Variants in SCPEP1 observed in about 807,000 individuals in gnomAD.
SCPEP1 encodes retinoid-inducible serine carboxypeptidase.
In SCPEP1, 51 loss-of-function variants were observed where a neutral mutation model predicts 63.8. The observed-to-expected ratio is 0.80, with a 90% confidence interval of 0.64 to 1.01. The LOEUF is 1.01. SCPEP1 is among the 50% of genes least tolerant of loss of function. SCPEP1 has a pLI of 0.00. For synonymous variants in SCPEP1, 204 were observed against 207.8 expected, an observed-to-expected ratio of 0.98 and a Z score of 0.16; for missense variants, 499 against 554.9, an observed-to-expected ratio of 0.90 and a Z score of 1.01.
In SCPEP1 at chr17:56,981,200, C is replaced by G; in HGVS notation, c.195C>G (p.Phe65Leu). Residue 65 changes from phenylalanine to leucine, a missense_variant, in exon 2 of 13, where the codon TTC becomes TTG. Transcript: ENST00000262288. ...ATGCCACCAACTCCTGCAAGAACTT[C>G]TCAGAACTGCCCCTGGTCATGTGGC... is the stretch of plus-strand genomic sequence containing the variant. ...LYYATNSCKN[F>L]SELPLVMWLQ... 6.2e-7 allele frequency: 1 copy of G among 1,614,202 alleles called. No homozygotes were observed. Among genetic ancestry groups the G allele is most frequent in the Admixed American group, 1.7e-5 (1 of 60,022 alleles).
chr17:56,991,939 T>C (rs1911412415), intron 6 of SCPEP1, among the ~76,000 whole-genome samples: 1 of 152,200 alleles, frequency 6.6e-6, no homozygotes, highest in African/African-American at 2.4e-5. Context: ...CCATCCCTGA[T>C]TGAGAACCAT....
intron 2 of SCPEP1, among the ~76,000 whole-genome samples, chr17:56,982,276 G>A (rs1283303419): frequency 1.3e-5 from 2 of 152,146 alleles, no homozygotes; most frequent in African/African-American, 4.8e-5. Flanking sequence ...ACCTCCATAG[G>A]ATGCTACTGG....
intron 9 of SCPEP1, chr17:56,997,265 A>G (rs1225423291): frequency 2.5e-6 from 1 of 404,116 alleles, no homozygotes; most frequent in African/African-American, 2.0e-5. Context: ...AGGAGATCCC[A>G]CGTGTCTGCT....
chr17:56,986,583 T>C (rs1911227033), intron 3 of SCPEP1, among the ~76,000 whole-genome samples: 2 of 151,484 alleles, frequency 1.3e-5, no homozygotes, highest in African/African-American at 2.4e-5. Flanking sequence ...TCTCGCTCTT[T>C]CGCCCAGGCC....
At chr17:57,001,751 A>G (rs117620188) in intron 11 of SCPEP1, among the ~76,000 whole-genome samples, 1 of 152,354 alleles carries the variant, frequency 6.6e-6, no homozygotes, top group East Asian at 1.9e-4. Context: ...CCTAAAGAGC[A>G]GATGGCGGTG....
intron 12 of SCPEP1, among the ~76,000 whole-genome samples, chr17:57,002,463 C>T (rs917322456): frequency 7.2e-5 from 11 of 152,226 alleles, no homozygotes; most frequent in Non-Finnish European, 1.2e-4. Context: ...TGCCTGCAAT[C>T]CCAGCACTTT....
intron 2 of SCPEP1, 53 bp downstream of exon 2, chr17:56,981,283 G>A: frequency 1.9e-6 from 3 of 1,601,814 alleles, no homozygotes; most frequent in Non-Finnish European, 2.6e-6. Context: ...TCCTCTGTGT[G>A]GCTCTTTGCT....
intron 3 of SCPEP1, 99 bp from the exon 4 acceptor site, chr17:56,987,596 C>T: frequency 1.7e-6 from 2 of 1,186,124 alleles, no homozygotes; most frequent in African/African-American, 1.5e-5. Flanking sequence ...CTGGTATCCT[C>T]ACATGTGTGG....
rs755405661 is a variant in SCPEP1 at position 57,002,004 on chromosome 17, G to C, written c.1133-14G>C. ...CTGTTAATGCCAGGCCTTTCTCTTT[G>C]TCCTTCTCACCAGGTCAGGAGGCCT... On this transcript the variant is annotated splice_polypyrimidine_tract_variant and intron_variant, in intron 11 of 12. Coordinates refer to ENST00000262288, the MANE Select transcript of SCPEP1 (RefSeq NM_021626.3). 7.5e-6 allele frequency: 12 copies of C among 1,605,804 alleles called. No individual in the cohort carries two copies. In the African/African-American group the frequency reaches 1.3e-4, roughly 18 times the overall value.
At chr17:56,991,455 G>A (rs3760160) in intron 6 of SCPEP1, among the ~76,000 whole-genome samples, 121,624 of 152,166 alleles carry the variant, frequency 0.8, 49,253 homozygotes, top group Admixed American at 0.87. Flanking sequence ...TATCTGCCAC[G>A]TAGGATGAGT....
At chr17:56,998,600 A>G (rs1317928607) in intron 10 of SCPEP1, 102 bp downstream of exon 10, 3 of 824,580 alleles carry the variant, frequency 3.6e-6, no homozygotes, top group African/African-American at 1.7e-5. Flanking sequence ...GTTGTTGGTG[A>G]TGATAGGTTA....
chr17:57,002,239 G>A (rs543515974), intron 12 of SCPEP1, 58 bp downstream of exon 12: 63 of 1,553,912 alleles, frequency 4.1e-5, no homozygotes, highest in Admixed American at 5.2e-5. Flanking sequence ...AGCCACAGGC[G>A]GTTATTATGC....
intron 12 of SCPEP1, among the ~76,000 whole-genome samples, chr17:57,005,611 C>G (rs1161649080): frequency 6.6e-6 from 1 of 152,140 alleles, no homozygotes; most frequent in Non-Finnish European, 1.5e-5. Flanking sequence ...GGCCTCTGCC[C>G]TTCCCCCTTT....
At chr17:56,994,513 A>G (rs1030570958) in intron 6 of SCPEP1, among the ~76,000 whole-genome samples, 7 of 152,250 alleles carry the variant, frequency 4.6e-5, no homozygotes, top group Non-Finnish European at 2.9e-5. Flanking sequence ...GCACTGTTGC[A>G]AACTCATTAG....
intron 2 of SCPEP1, chr17:56,983,620 C>T (rs1041243452): frequency 1.3e-5 from 2 of 152,154 alleles, no homozygotes; most frequent in African/African-American, 2.4e-5. Flanking sequence ...TTTAATAGGA[C>T]TGCGGTTAAC....
intron 5 of SCPEP1, among the ~76,000 whole-genome samples, chr17:56,990,616 T>C (rs1336280977): frequency 6.6e-6 from 1 of 152,212 alleles, no homozygotes; most frequent in African/African-American, 2.4e-5. Context: ...CTGTAAATTT[T>C]CATCTCAAAT....
chr17:56,988,406 G>C, intron 5 of SCPEP1, 116 bp downstream of exon 5: 1 of 680,672 alleles, frequency 1.5e-6, no homozygotes, highest in Non-Finnish European at 2.4e-6. Context: ...TGCAGAGTAC[G>C]ATTAAATCTG....
At position 56,978,143 on chromosome 17, in the gene SCPEP1, G is replaced by A; in HGVS notation, c.-17G>A. On this transcript the variant is annotated 5_prime_UTR_variant, in exon 1 of 13. Transcript: ENST00000262288. The stretch of plus-strand genomic sequence containing the variant: ...CCGGGTCCAGCCTGTTGCTGATGCT[G>A]CCGTGCGGTACTTGTCATGGAGCTG... 2 of 1,284,250 alleles carry A rather than the reference G, an allele frequency of 1.6e-6. No homozygotes were observed. Among genetic ancestry groups the A allele is most frequent in the Non-Finnish European group, 2.2e-6 (2 of 901,520 alleles). 79.6% of individuals were successfully genotyped at this position (1,284,250 alleles called of 1,614,324 possible).
In SCPEP1 at chr17:56,991,132, G is replaced by T; in HGVS notation, c.580G>T (p.Ala194Ser). ...IQRGTIKCNFAGVALGDSWIS... is the reference protein window; with the variant it reads ...IQRGTIKCNFSGVALGDSWIS... ...GCGAGGGACCATCAAGTGCAACTTTGCGGGGGTTGCCTTGGGTGATTCCTG... is the reference window on the plus strand; with the variant it reads ...GCGAGGGACCATCAAGTGCAACTTTTCGGGGGTTGCCTTGGGTGATTCCTG... Residue 194 changes from alanine (A) to serine (S), a missense_variant, in exon 6 of 13, where the codon GCG (alanine) becomes TCG (serine). By Grantham distance (99) the Ala-to-Ser change is moderately conservative. Coordinates refer to ENST00000262288, the MANE Select transcript of SCPEP1 (RefSeq NM_021626.3). 1 of 1,614,084 alleles carries T rather than the reference G, an allele frequency of 6.2e-7. No homozygotes were observed. Among genetic ancestry groups the T allele is most frequent in the South Asian group, 1.1e-5 (1 of 91,082 alleles).
Sources: allele counts gnomAD v4.1 joint callset (sites outside exome capture counted in the v4.1 genomes callset), GRCh38; gene constraint gnomAD v4.1.1; transcripts MANE v1.5; gene names NCBI Gene and HGNC (gene_info 2026-07-23, HGNC 2026-07-21).